LRRC37A2: variants seen among roughly 807,000 people sequenced by gnomAD.
LRRC37A2 encodes leucine-rich repeat-containing protein 37A2.
A neutral mutation model predicts 68.8 loss-of-function variants in LRRC37A2; 9 were observed. That is an observed-to-expected ratio of 0.13 (90% CI 0.08 to 0.23). The LOEUF (loss-of-function observed/expected upper bound fraction) is 0.23. Among genes scored for constraint, LRRC37A2 ranks in the 10% least tolerant of loss-of-function variants. The probability of loss-of-function intolerance (pLI) is 1.00; values close to 1 mark genes in which losing one functional copy is unlikely to be tolerated. For missense variants in LRRC37A2, 168 were observed against 950.4 expected, an observed-to-expected ratio of 0.18 and a Z score of 10.82; for synonymous variants, 63 against 367.6, an observed-to-expected ratio of 0.17 and a Z score of 9.48.
chr17:47,019,236 C>A, the LRRC37A2 span: 1 of 1,535,062 alleles, frequency 6.5e-7, no homozygotes, highest in East Asian at 2.3e-5. Context: ...AGAGGTTGAA[C>A]CTTCTACAGC....
chr17:46,984,059 T>G, the LRRC37A2 span: 1 of 152,294 alleles, frequency 6.6e-6, no homozygotes, highest in South Asian at 2.1e-4. Context: ...TGCTAGAAGG[T>G]GAGCACCTGG....
chr17:46,971,263 G>A, the LRRC37A2 span, among the ~76,000 whole-genome samples: 1 of 152,062 alleles, frequency 6.6e-6, no homozygotes, highest in African/African-American at 2.4e-5. Context: ...CTTGAACTTG[G>A]GAGGCAGAGG....
chr17:46,809,029 T>G, the LRRC37A2 span, among the ~76,000 whole-genome samples: 2 of 152,162 alleles, frequency 1.3e-5, no homozygotes, highest in African/African-American at 4.8e-5. Flanking sequence ...CAGGTTGGGC[T>G]GCCTTTTAAA....
chr17:46,774,356 G>A, the LRRC37A2 span, among the ~76,000 whole-genome samples: 6 of 152,178 alleles, frequency 3.9e-5, no homozygotes, highest in South Asian at 8.3e-4. Flanking sequence ...GGACACGCGC[G>A]CGCGCGCACA....
chr17:46,833,551 G>A, the LRRC37A2 span: 2 of 402,944 alleles, frequency 5.0e-6, no homozygotes, highest in Non-Finnish European at 1.0e-5. Context: ...GCCGACCTGA[G>A]CTCAAACTCA....
At chr17:46,982,464 C>T in the LRRC37A2 span, among the ~76,000 whole-genome samples, 5 of 152,156 alleles carry the variant, frequency 3.3e-5, no homozygotes, top group African/African-American at 1.2e-4. Flanking sequence ...CTATTACATG[C>T]CCAGTGCATT....
chr17:46,805,966 T>G, the LRRC37A2 span, among the ~76,000 whole-genome samples: 1 of 152,220 alleles, frequency 6.6e-6, no homozygotes, highest in Non-Finnish European at 1.5e-5. Flanking sequence ...GAATGGTGCC[T>G]CAGGGCCTCA....
chr17:46,883,778 C>A, the LRRC37A2 span, among the ~76,000 whole-genome samples: 3 of 152,166 alleles, frequency 2.0e-5, no homozygotes, highest in East Asian at 1.9e-4. Flanking sequence ...ATCTTCCAGT[C>A]CTGCCACTTG....
At chr17:46,872,685 G>T in the LRRC37A2 span, 2 of 1,613,458 alleles carry the variant, frequency 1.2e-6, no homozygotes, top group Non-Finnish European at 1.7e-6. Flanking sequence ...GGGATGCTGC[G>T]CACCTCGGCC....
chr17:46,873,914 G>A, the LRRC37A2 span, among the ~76,000 whole-genome samples: 7 of 151,768 alleles, frequency 4.6e-5, no homozygotes, highest in African/African-American at 1.7e-4. Flanking sequence ...GCTTGAACCC[G>A]GGAGGTGGAG....
At chr17:46,494,830 A>C in the LRRC37A2 span, among the ~76,000 whole-genome samples, 4 of 151,240 alleles carry the variant, frequency 2.6e-5, no homozygotes, top group Admixed American at 1.3e-4. Context: ...TGTATTGGGA[A>C]GATAACAAAT....
At chr17:47,011,129 A>C in the LRRC37A2 span, among the ~76,000 whole-genome samples, 1 of 152,172 alleles carries the variant, frequency 6.6e-6, no homozygotes, top group African/African-American at 2.4e-5. Flanking sequence ...GCCGCCTGAC[A>C]CTTGAAGGCG....
chr17:46,934,968 G>C, the LRRC37A2 span: 1 of 1,514,676 alleles, frequency 6.6e-7, no homozygotes, highest in Non-Finnish European at 9.2e-7. Flanking sequence ...AGACAGAGCA[G>C]TGAGACCCCA....
At chr17:46,986,352 C>T in the LRRC37A2 span, among the ~76,000 whole-genome samples, 1 of 152,156 alleles carries the variant, frequency 6.6e-6, no homozygotes, top group Non-Finnish European at 1.5e-5. Context: ...TGCCTGGAAA[C>T]GGGCCTGGCG....
At chr17:46,803,159 G>GTACCAATTATTGCAGGTA in the LRRC37A2 span, among the ~76,000 whole-genome samples, 1 of 152,192 alleles carries the variant, frequency 6.6e-6, no homozygotes, top group Non-Finnish European at 1.5e-5. Flanking sequence ...GCATTTGGTC[G>GTACCAATTATTGCAGGTA]CAGAAGTCTT....
chr17:46,979,488 C>T, the LRRC37A2 span, among the ~76,000 whole-genome samples: 94 of 152,342 alleles, frequency 6.2e-4, no homozygotes, highest in African/African-American at 2.1e-3. Context: ...GGCTAGAAAA[C>T]CTCTCCAAGG....
At chr17:46,905,555 T>A in the LRRC37A2 span, among the ~76,000 whole-genome samples, 350 of 152,370 alleles carry the variant, frequency 2.3e-3, no homozygotes, top group Non-Finnish European at 3.3e-3. Context: ...GAGCAAGCCC[T>A]GGTGCAGGAT....
the LRRC37A2 span, among the ~76,000 whole-genome samples, chr17:46,839,106 G>C: frequency 6.6e-6 from 1 of 152,160 alleles, no homozygotes; most frequent in East Asian, 1.9e-4. Flanking sequence ...TCGAACTCCT[G>C]ACCTCAGGAG....
the LRRC37A2 span, among the ~76,000 whole-genome samples, chr17:46,729,883 A>G: frequency 6.6e-6 from 1 of 152,090 alleles, no homozygotes; most frequent in African/African-American, 2.4e-5. Flanking sequence ...TAAAATAATG[A>G]AAAGAAACAT....
Sources: gnomAD v4.1 joint callset for allele counts (sites outside exome capture counted in the v4.1 genomes callset) on GRCh38, gnomAD v4.1.1 for gene constraint, MANE v1.5 for transcripts, NCBI Gene and HGNC (gene_info 2026-07-23, HGNC 2026-07-21) for gene names.